COL4A1: variants seen among roughly 807,000 people sequenced by gnomAD.
The protein encoded by COL4A1 is collagen alpha-1(IV) chain.
Under a neutral mutation model 216.6 loss-of-function variants are expected in COL4A1, and 40 were observed. That is an observed-to-expected ratio of 0.18 (90% CI 0.14 to 0.24). The LOEUF (loss-of-function observed/expected upper bound fraction) is 0.24, where lower values mean the gene tolerates loss of function less well. Ranked by LOEUF, COL4A1 falls within the 10% of genes least tolerant of loss-of-function variation. The pLI, the probability that COL4A1 is intolerant of heterozygous loss-of-function variation, is 1.00. For missense variants in COL4A1, 1,628 were observed against 2,196.8 expected (o/e 0.74, Z 5.18); for synonymous variants, 839 against 810.7 (o/e 1.03, Z -0.59).
At chr13:110,154,841 T>A (rs911003179) in intron 50 of COL4A1, among the ~76,000 whole-genome samples, 5 of 152,228 alleles carry the variant, frequency 3.3e-5, no homozygotes, top group African/African-American at 9.7e-5. Flanking sequence ...ATGAACAAGC[T>A]GGTCATACAG....
chr13:110,206,637 T>C (rs1316602225), intron 15 of COL4A1, 28 bp downstream of exon 15: 3 of 1,613,014 alleles, frequency 1.9e-6, no homozygotes, highest in South Asian at 1.1e-5. Flanking sequence ...AATTGTTTTA[T>C]GATAAAAGGA....
At chr13:110,249,985 C>T (rs909782242) in intron 1 of COL4A1, among the ~76,000 whole-genome samples, 1 of 152,106 alleles carries the variant, frequency 6.6e-6, no homozygotes, top group South Asian at 2.1e-4. Flanking sequence ...TTATCATCAT[C>T]ATTTGTTTTG....
chr13:110,247,790 C>CGTGTGTGTGTGT (rs56086913), intron 1 of COL4A1, among the ~76,000 whole-genome samples: 9 of 57,768 alleles, frequency 1.6e-4, no homozygotes, highest in African/African-American at 4.6e-4. Flanking sequence ...CTATGCTACT[C>CGTGTGTGTGTGT]GTGTGTGTGT....
chr13:110,176,186 T>A (rs947394033), intron 36 of COL4A1, among the ~76,000 whole-genome samples: 3 of 152,218 alleles, frequency 2.0e-5, no homozygotes, highest in African/African-American at 7.2e-5. Flanking sequence ...GTTGACTGTA[T>A]ACAGCCCATG....
chr13:110,172,607 G>T (rs191905531), intron 41 of COL4A1, 113 bp downstream of exon 41: 14 of 1,022,504 alleles, frequency 1.4e-5, no homozygotes, highest in Non-Finnish European at 2.2e-5. Context: ...CCTCCATCCC[G>T]TTGCTGCCTG....
intron 1 of COL4A1, among the ~76,000 whole-genome samples, chr13:110,271,776 T>C (rs575262315): frequency 6.6e-6 from 1 of 152,336 alleles, no homozygotes; most frequent in South Asian, 2.1e-4. Context: ...GATCAGAGTA[T>C]TATCTTAATT....
At chr13:110,159,868 T>C (rs1410966237) in intron 49 of COL4A1, among the ~76,000 whole-genome samples, 1 of 152,120 alleles carries the variant, frequency 6.6e-6, no homozygotes, top group Non-Finnish European at 1.5e-5. Flanking sequence ...AAAAATACTG[T>C]ATGATTCCAC....
intron 1 of COL4A1, among the ~76,000 whole-genome samples, chr13:110,285,258 A>T (rs1038697574): frequency 1.3e-5 from 2 of 152,246 alleles, no homozygotes; most frequent in Non-Finnish European, 2.9e-5. Flanking sequence ...ACGTGAATCT[A>T]CAATGGTGAA....
intron 2 of COL4A1, among the ~76,000 whole-genome samples, chr13:110,225,556 C>T (rs1880698661): frequency 6.6e-6 from 1 of 152,116 alleles, no homozygotes; most frequent in South Asian, 2.1e-4. Context: ...GCACTCCAGC[C>T]TGGGTGACAG....
intron 2 of COL4A1, among the ~76,000 whole-genome samples, chr13:110,224,722 T>A (rs966519835): frequency 1.3e-5 from 2 of 152,252 alleles, no homozygotes; most frequent in African/African-American, 4.8e-5. Flanking sequence ...ACAGAAATGT[T>A]GAAAAATGCC....
chr13:110,174,940 C>A (rs1243954646), intron 37 of COL4A1, among the ~76,000 whole-genome samples, 191 bp from the exon 38 acceptor site: 1 of 152,196 alleles, frequency 6.6e-6, no homozygotes, highest in Non-Finnish European at 1.5e-5. Context: ...GTAGAGCCAA[C>A]CATCTGGTTT....
intron 1 of COL4A1, among the ~76,000 whole-genome samples, chr13:110,291,991 T>A (rs1884108452): frequency 6.6e-6 from 1 of 151,858 alleles, no homozygotes; most frequent in African/African-American, 2.4e-5. Context: ...TCTGCACACA[T>A]GTCTTTCGAG....
At chr13:110,300,449 A>C (rs1884449068) in intron 1 of COL4A1, among the ~76,000 whole-genome samples, 1 of 152,262 alleles carries the variant, frequency 6.6e-6, no homozygotes, top group Non-Finnish European at 1.5e-5. Context: ...TCACAAAGGA[A>C]TATCCTTGTT....
chr13:110,196,932 G>T (rs1259086769), intron 21 of COL4A1, among the ~76,000 whole-genome samples: 2 of 151,900 alleles, frequency 1.3e-5, no homozygotes, highest in African/African-American at 4.8e-5. Context: ...ATTATTACTC[G>T]ATACTCTGTG....
In COL4A1 at chr13:110,181,302, T is replaced by C. The variant is rs1878139161; in HGVS notation, c.2183A>G (p.Gln728Arg). ...FNGLPGNPGV[Q>R]GQKGEPGVGL... ...ATGCTTGGCACTCACCTTCTGGCCC[T>C]GCACACCTGGGTTCCCAGGTAAGCC... Residue 728 changes from glutamine (Q) to arginine (R), a missense_variant, in exon 29 of 52, where the codon CAG becomes CGG. Gln to Arg is a conservative substitution (Grantham distance 43). Transcript: ENST00000375820. The C allele has an allele frequency of 3.1e-6, 5 of 1,613,808 alleles. No individual in the cohort carries two copies. The highest frequency in any genetic ancestry group is 3.3e-4 in the Middle Eastern group (2 of 6,036).
At chr13:110,259,363 A>C (rs1300166604) in intron 1 of COL4A1, among the ~76,000 whole-genome samples, 1 of 152,216 alleles carries the variant, frequency 6.6e-6, no homozygotes, top group Admixed American at 6.5e-5. Context: ...CTTTGTGCAA[A>C]TCTGAAACAA....
intron 1 of COL4A1, among the ~76,000 whole-genome samples, chr13:110,266,281 C>A (rs1883030117): frequency 6.6e-6 from 1 of 152,200 alleles, no homozygotes; most frequent in African/African-American, 2.4e-5. Context: ...TCCGGGCCAG[C>A]CGAAGGGACG....
intron 2 of COL4A1, among the ~76,000 whole-genome samples, chr13:110,216,861 G>A (rs923869802): frequency 7.9e-5 from 12 of 152,166 alleles, no homozygotes; most frequent in African/African-American, 2.7e-4. Flanking sequence ...CTGACTTGTC[G>A]TACGTCACTG....
intron 30 of COL4A1, 112 bp from the exon 31 acceptor site, chr13:110,179,148 C>G: frequency 6.4e-7 from 1 of 1,552,358 alleles, no homozygotes; most frequent in Non-Finnish European, 8.9e-7. Context: ...AGCTCTAGGC[C>G]TCTAAGATTT....
Sources: gnomAD v4.1 joint callset for allele counts (sites outside exome capture counted in the v4.1 genomes callset) on GRCh38, gnomAD v4.1.1 for gene constraint, MANE v1.5 for transcripts, NCBI Gene and HGNC (gene_info 2026-07-23, HGNC 2026-07-21) for gene names.